ARHGAP26: variants seen among roughly 807,000 people sequenced by gnomAD.
The protein encoded by ARHGAP26 is Rho GTPase activating protein 26, also known as rho GTPase-activating protein 26.
ARHGAP26 carries 38 observed loss-of-function variants against 104.8 expected under a neutral mutation model. That is an observed-to-expected ratio of 0.36 (90% CI 0.28 to 0.48). The LOEUF (loss-of-function observed/expected upper bound fraction) is 0.48, where lower values mean the gene tolerates loss of function less well. Among genes scored for constraint, ARHGAP26 ranks in the 20% least tolerant of loss-of-function variants. The pLI, the probability that ARHGAP26 is intolerant of heterozygous loss-of-function variation, is 0.99. For missense variants in ARHGAP26, 704 were observed against 947.9 expected (o/e 0.74, Z 3.38); for synonymous variants, 341 against 340.0 (o/e 1.00, Z -0.03).
chr5:143,105,377 A>AT, intron 17 of ARHGAP26, among the ~76,000 whole-genome samples: 2 of 134,116 alleles, frequency 1.5e-5, no homozygotes, highest in Non-Finnish European at 3.1e-5. Flanking sequence ...GCTCCATCTC[A>AT]AAAATAAATA....
chr5:143,078,395 A>C (rs1469199673), intron 17 of ARHGAP26, among the ~76,000 whole-genome samples: 8 of 151,796 alleles, frequency 5.3e-5, no homozygotes, highest in Admixed American at 4.6e-4. Context: ...TTCAATTCGG[A>C]TTTTGGTTTT....
chr5:143,090,209 A>G (rs1011486456), intron 17 of ARHGAP26, among the ~76,000 whole-genome samples: 3 of 152,162 alleles, frequency 2.0e-5, no homozygotes, highest in Non-Finnish European at 4.4e-5. Context: ...ATGACTTGTT[A>G]CTCCAGGCTG....
At position 143,000,867 on chromosome 5, in the gene ARHGAP26, G is replaced by A. The variant is rs1478191228; in HGVS notation, c.1108-13213G>A. 3.3e-5 allele frequency among the ~76,000 whole-genome samples: 5 copies of A among 152,196 alleles called. No individual in the cohort carries two copies. The South Asian group carries it at 1.0e-3, about 32-fold the overall frequency. On this transcript the variant is annotated intron_variant, in intron 11 of 22. Coordinates refer to ENST00000645722, the MANE Select transcript of ARHGAP26 (RefSeq NM_001135608.3). Reference sequence around the variant, plus strand: ...ACAGGGAGGGGAACATCACACACCAGGGCCTGTTGGGGGATGGGAGGCAAG... The same window carrying A: ...ACAGGGAGGGGAACATCACACACCAAGGCCTGTTGGGGGATGGGAGGCAAG...
chr5:142,995,004 A>G (rs1219962727), intron 11 of ARHGAP26, among the ~76,000 whole-genome samples: 1 of 152,226 alleles, frequency 6.6e-6, no homozygotes, highest in East Asian at 1.9e-4. Flanking sequence ...CACCTTATAC[A>G]AAAATTAACT....
At chr5:142,835,667 T>A (rs1769406722) in intron 1 of ARHGAP26, among the ~76,000 whole-genome samples, 1 of 152,274 alleles carries the variant, frequency 6.6e-6, no homozygotes, top group Admixed American at 6.5e-5. Context: ...GCATTTTCTA[T>A]GTTCATGGAG....
At chr5:143,184,024 TA>T (rs1804785826) in intron 20 of ARHGAP26, among the ~76,000 whole-genome samples, 3 of 152,122 alleles carry the variant, frequency 2.0e-5, no homozygotes, top group Admixed American at 2.0e-4. Context: ...GACCCTTGAA[TA>T]AAGGGGTAAA....
intron 1 of ARHGAP26, among the ~76,000 whole-genome samples, chr5:142,867,207 A>G (rs1286307623): frequency 6.6e-6 from 1 of 152,108 alleles, no homozygotes; most frequent in East Asian, 1.9e-4. Flanking sequence ...ATTGCCACCT[A>G]GTGGCCACAG....
intron 18 of ARHGAP26, among the ~76,000 whole-genome samples, chr5:143,123,892 C>T (rs1796418254): frequency 2.6e-5 from 4 of 152,086 alleles, no homozygotes; most frequent in Admixed American, 2.6e-4. Context: ...CATAAAACTT[C>T]ATAGTATTTA....
At chr5:142,845,872 G>C (rs899450890) in intron 1 of ARHGAP26, among the ~76,000 whole-genome samples, 13 of 152,046 alleles carry the variant, frequency 8.6e-5, no homozygotes, top group African/African-American at 1.7e-4. Flanking sequence ...CTCTTGGCTT[G>C]TCAGCAGTTG....
chr5:143,224,691 G>C lies in ARHGAP26; in HGVS notation c.*2245G>C, dbSNP rs1028905249. 1.7e-5 allele frequency: 4 copies of C among 229,474 alleles called. No homozygotes were observed. The highest frequency in any genetic ancestry group is 1.3e-3 in the Middle Eastern group (1 of 784). The allele number at this position is 229,474 out of a possible 1,614,324, so 14.2% of individuals were successfully genotyped here. A position where few individuals can be genotyped will look rare whatever the true frequency, so the allele number is the denominator to read the frequency against. ...GCGTCTGTAAGTTCTTAAAGAACCA[G>C]CTTCTTAGAATGTTCAGTTCTCAAT... On this transcript the variant is annotated 3_prime_UTR_variant, in exon 23 of 23. Coordinates refer to ENST00000645722, the MANE Select transcript of ARHGAP26 (RefSeq NM_001135608.3).
At chr5:143,160,868 C>T (rs1472772269) in intron 20 of ARHGAP26, among the ~76,000 whole-genome samples, 1 of 152,160 alleles carries the variant, frequency 6.6e-6, no homozygotes, top group African/African-American at 2.4e-5. Context: ...CCAGGCTGGC[C>T]TCGCCCAGGG....
intron 20 of ARHGAP26, among the ~76,000 whole-genome samples, chr5:143,183,973 CA>C (rs1386316011): frequency 3.3e-5 from 5 of 152,108 alleles, no homozygotes; most frequent in African/African-American, 1.2e-4. Flanking sequence ...TCATGGTAAC[CA>C]AATGGTTTGA....
intron 1 of ARHGAP26, among the ~76,000 whole-genome samples, chr5:142,846,327 G>T (rs920735395): frequency 6.6e-6 from 1 of 152,188 alleles, no homozygotes; most frequent in East Asian, 1.9e-4. Context: ...TATATGTGTC[G>T]GGTGAGGAGG....
At chr5:143,162,687 T>A (rs1801414905) in intron 20 of ARHGAP26, among the ~76,000 whole-genome samples, 1 of 152,240 alleles carries the variant, frequency 6.6e-6, no homozygotes, top group African/African-American at 2.4e-5. Flanking sequence ...ATCTAATGTT[T>A]CCCTTTGGAG....
Position 142,852,529 on chromosome 5 carries a change from T to C in ARHGAP26, c.155-20871T>C, listed in dbSNP as rs960375063. On this transcript the variant is annotated intron_variant, in intron 1 of 22. Coordinates refer to ENST00000645722, the MANE Select transcript of ARHGAP26 (RefSeq NM_001135608.3). ...TTATTTTTCCCTAAATGACTAATTA[T>C]AGCATTCGTGCTATTAATATGGATG... 4.6e-5 allele frequency among the ~76,000 whole-genome samples: 7 copies of C among 152,374 alleles called. No individual in the cohort carries two copies. In the East Asian group the frequency reaches 7.7e-4, roughly 17 times the overall value.
chr5:143,206,863 A>G (rs1458536626), intron 20 of ARHGAP26, among the ~76,000 whole-genome samples: 1 of 152,236 alleles, frequency 6.6e-6, no homozygotes, highest in Non-Finnish European at 1.5e-5. Flanking sequence ...GCCTCAGAAC[A>G]AGGCTGGTGA....
chr5:143,141,977 CT>C (rs1798591846), intron 19 of ARHGAP26, among the ~76,000 whole-genome samples: 1 of 152,094 alleles, frequency 6.6e-6, no homozygotes, highest in Non-Finnish European at 1.5e-5. Flanking sequence ...CATTTTTTCC[CT>C]TTGCAAAGAA....
At chr5:142,967,868 A>T (rs182984349) in intron 11 of ARHGAP26, among the ~76,000 whole-genome samples, 187 of 152,280 alleles carry the variant, frequency 1.2e-3, no homozygotes, top group African/African-American at 4.2e-3. Flanking sequence ...GGGTAAACTG[A>T]TAAAATCAGT....
intron 17 of ARHGAP26, among the ~76,000 whole-genome samples, chr5:143,079,265 A>G (rs1484026328): frequency 6.6e-6 from 1 of 152,106 alleles, no homozygotes; most frequent in African/African-American, 2.4e-5. Flanking sequence ...CCTATGAAAC[A>G]TTATTTTTCT....
Sources: allele counts gnomAD v4.1 joint callset (sites outside exome capture counted in the v4.1 genomes callset), GRCh38; gene constraint gnomAD v4.1.1; transcripts MANE v1.5; gene names NCBI Gene and HGNC (gene_info 2026-07-23, HGNC 2026-07-21).